Variants in RSU1 observed in about 807,000 individuals in gnomAD.
RSU1 encodes Ras suppressor protein 1.
RSU1 carries 26 observed loss-of-function variants against 31.1 expected under a neutral mutation model. The ratio of observed to expected loss-of-function variants is 0.84; its 90% CI spans 0.61 to 1.16. The LOEUF is 1.16. Ranked by LOEUF, RSU1 falls within the 50% of genes most tolerant of loss-of-function variation. The probability of loss-of-function intolerance (pLI) is 0.00; values close to 1 mark genes in which losing one functional copy is unlikely to be tolerated. For missense variants in RSU1, 320 were observed against 339.1 expected, an observed-to-expected ratio of 0.94 and a Z score of 0.44; for synonymous variants, 164 against 136.3, an observed-to-expected ratio of 1.20 and a Z score of -1.41.
chr10:16,625,727 G>A (rs941860549), intron 8 of RSU1, among the ~76,000 whole-genome samples: 1 of 152,194 alleles, frequency 6.6e-6, no homozygotes, highest in Non-Finnish European at 1.5e-5. Context: ...AAATCAAGAC[G>A]AGGTGGGTGA....
intron 2 of RSU1, among the ~76,000 whole-genome samples, chr10:16,798,134 T>C (rs11254195): frequency 0.12 from 17,579 of 151,910 alleles, 2,515 homozygotes; most frequent in African/African-American, 0.34. Context: ...AGTGCTGGGA[T>C]TATAGGCATG....
At chr10:16,596,257 A>AAGTT (rs1338256697) in intron 8 of RSU1, among the ~76,000 whole-genome samples, 1 of 152,194 alleles carries the variant, frequency 6.6e-6, no homozygotes, top group African/African-American at 2.4e-5. Flanking sequence ...GCAGGTGTCG[A>AAGTT]AGTTAAGGAC....
At chr10:16,687,740 G>A (rs763658272) in intron 8 of RSU1, among the ~76,000 whole-genome samples, 12 of 151,700 alleles carry the variant, frequency 7.9e-5, no homozygotes, top group Non-Finnish European at 1.2e-4. Context: ...ATTATTTTGA[G>A]ATAGGGTCTC....
intron 8 of RSU1, among the ~76,000 whole-genome samples, chr10:16,692,442 C>T (rs953617590): frequency 5.3e-5 from 8 of 152,200 alleles, no homozygotes; most frequent in Admixed American, 4.6e-4. Flanking sequence ...AAATTGTTAA[C>T]CAGAATAATA....
At chr10:16,777,848 T>C (rs2131642562) in intron 3 of RSU1, among the ~76,000 whole-genome samples, 1 of 152,122 alleles carries the variant, frequency 6.6e-6, no homozygotes, top group Non-Finnish European at 1.5e-5. Context: ...CACAGGAAGA[T>C]GACCTTCGGC....
chr10:16,699,196 T>C (rs766176041), intron 7 of RSU1, among the ~76,000 whole-genome samples: 18 of 152,224 alleles, frequency 1.2e-4, no homozygotes, highest in Non-Finnish European at 2.2e-4. Context: ...GAGTTAGAAC[T>C]GGGACTTGCT....
chr10:16,689,340 C>T (rs1835497972), intron 8 of RSU1, among the ~76,000 whole-genome samples: 1 of 152,146 alleles, frequency 6.6e-6, no homozygotes, highest in Non-Finnish European at 1.5e-5. Context: ...AATGAATGGG[C>T]TCACCTATTA....
intron 8 of RSU1, among the ~76,000 whole-genome samples, chr10:16,669,778 C>T (rs772349442): frequency 2.6e-5 from 4 of 152,224 alleles, no homozygotes; most frequent in South Asian, 2.1e-4. Flanking sequence ...ATTATGGTTG[C>T]GTAGTATTCC....
intron 7 of RSU1, among the ~76,000 whole-genome samples, chr10:16,709,021 T>A (rs1379935404): frequency 6.6e-6 from 1 of 152,092 alleles, no homozygotes; most frequent in Non-Finnish European, 1.5e-5. Context: ...AATTATACTT[T>A]AAGTTTTAGG....
chr10:16,651,076 T>A (rs1402392997), intron 8 of RSU1, among the ~76,000 whole-genome samples: 1 of 152,226 alleles, frequency 6.6e-6, no homozygotes, highest in Non-Finnish European at 1.5e-5. Context: ...TTCAAGATGA[T>A]CTGCACATGA....
At chr10:16,810,033 C>G (rs1459091034) in intron 2 of RSU1, among the ~76,000 whole-genome samples, 2 of 150,552 alleles carry the variant, frequency 1.3e-5, no homozygotes, top group Non-Finnish European at 3.0e-5. Context: ...GAGTTCAAGA[C>G]CAGCCTGGCC....
chr10:16,654,808 G>A (rs1168218462), intron 8 of RSU1, among the ~76,000 whole-genome samples: 2 of 151,410 alleles, frequency 1.3e-5, no homozygotes, highest in African/African-American at 2.4e-5. Flanking sequence ...CCTATAATCC[G>A]AGCGCTCCTG....
chr10:16,686,094 C>G (rs1564316627), intron 8 of RSU1, among the ~76,000 whole-genome samples: 1 of 152,120 alleles, frequency 6.6e-6, no homozygotes, highest in Non-Finnish European at 1.5e-5. Flanking sequence ...ACTGACAACA[C>G]AGAAGAATCC....
Position 16,645,962 on chromosome 10 carries a change from ATGTGTATATATATG to A in RSU1, c.731+49047_731+49060del, listed in dbSNP as rs1834551564. On this transcript the variant is annotated intron_variant, in intron 8 of 8. Transcript: ENST00000345264. ...TGTATATATATGTGTATATACATATATGTGTATATATATGTGTATATACATATATGTGTATATAT... is the reference window on the plus strand; with the variant it reads ...TGTATATATATGTGTATATACATATATGTATATACATATATGTGTATATAT... Among the ~76,000 whole-genome samples, 3 of 51,364 alleles carry A rather than the reference ATGTGTATATATATG, an allele frequency of 5.8e-5. 1 individual carries two copies. The highest frequency in any genetic ancestry group is 2.6e-4 in the African/African-American group (3 of 11,358). 33.7% of individuals were successfully genotyped at this position (51,364 alleles called of 152,430 possible).
chr10:16,721,129 T>C (rs1836253377), intron 7 of RSU1, among the ~76,000 whole-genome samples: 2 of 152,200 alleles, frequency 1.3e-5, no homozygotes, highest in African/African-American at 4.8e-5. Context: ...CAGGTGCTCT[T>C]GGTCTAGTGG....
chr10:16,716,430 C>A (rs540165559), intron 7 of RSU1, among the ~76,000 whole-genome samples: 1 of 152,224 alleles, frequency 6.6e-6, no homozygotes, highest in Admixed American at 6.5e-5. Context: ...TGATCCTAAG[C>A]AGTTCTGAGA....
At chr10:16,711,767 A>G (rs1175250267) in intron 7 of RSU1, among the ~76,000 whole-genome samples, 1 of 152,188 alleles carries the variant, frequency 6.6e-6, no homozygotes, top group African/African-American at 2.4e-5. Context: ...TAGGATCTCT[A>G]TCTCAAATCT....
At chr10:16,653,301 T>A (rs947911489) in intron 8 of RSU1, among the ~76,000 whole-genome samples, 3 of 152,196 alleles carry the variant, frequency 2.0e-5, no homozygotes, top group Non-Finnish European at 2.9e-5. Flanking sequence ...TTCAGTGACA[T>A]CCCTAAGGAT....
chr10:16,790,528 G>C (rs762794235), intron 2 of RSU1, among the ~76,000 whole-genome samples: 1 of 152,012 alleles, frequency 6.6e-6, no homozygotes, highest in Non-Finnish European at 1.5e-5. Flanking sequence ...AGGGTAGAGA[G>C]TACACCATGC....
Sources: gnomAD v4.1 joint callset for allele counts (sites outside exome capture counted in the v4.1 genomes callset) on GRCh38, gnomAD v4.1.1 for gene constraint, MANE v1.5 for transcripts, NCBI Gene and HGNC (gene_info 2026-07-23, HGNC 2026-07-21) for gene names.